GAD1: variants seen among roughly 807,000 people sequenced by gnomAD.
GAD1 encodes the protein glutamate decarboxylase 1.
GAD1 carries 35 observed loss-of-function variants against 75.2 expected under a neutral mutation model. That is an observed-to-expected ratio of 0.47 (90% CI 0.36 to 0.62). The LOEUF is 0.62. Ranked by LOEUF, GAD1 falls within the 20% of genes least tolerant of loss-of-function variation. The pLI is 0.00. For missense variants in GAD1, 490 were observed against 758.5 expected, an observed-to-expected ratio of 0.65 and a Z score of 4.16; for synonymous variants, 257 against 271.9, an observed-to-expected ratio of 0.95 and a Z score of 0.54.
rs1354918350 is a variant in GAD1 at position 170,861,025 on chromosome 2, A to T, written c.*1143A>T. 2.0e-5 allele frequency: 3 copies of T among 152,682 alleles called. No homozygotes were observed. The highest frequency in any genetic ancestry group is 7.2e-5 in the African/African-American group (3 of 41,466). The allele number at this position is 152,682 out of a possible 1,614,324, so 9.5% of individuals were successfully genotyped here. On this transcript the variant is annotated 3_prime_UTR_variant, in exon 17 of 17. Transcript: ENST00000358196. ...GGCAACATTTCCGAAGACCTTCTGA[A>T]GATCTCAGATAAAGTGACCAGGCTC...
intron 2 of GAD1, among the ~76,000 whole-genome samples, chr2:170,819,642 C>A (rs1170544372): frequency 6.6e-6 from 1 of 151,640 alleles, no homozygotes; most frequent in South Asian, 2.1e-4. Context: ...CCTGACCCCA[C>A]CCCCCTAAAA....
chr2:170,828,911 T>C, intron 3 of GAD1: 2 of 201,162 alleles, frequency 9.9e-6, no homozygotes, highest in South Asian at 7.5e-5. Context: ...CTCCTTCCTC[T>C]GCTGTCCTCA....
chr2:170,859,214 T>C (rs1157742522), intron 16 of GAD1, among the ~76,000 whole-genome samples: 1 of 152,240 alleles, frequency 6.6e-6, no homozygotes, highest in Non-Finnish European at 1.5e-5. Flanking sequence ...TTAAACTGTG[T>C]CTGTTACAAT....
At chr2:170,835,468 A>G (rs1218391883) in intron 5 of GAD1, among the ~76,000 whole-genome samples, 3 of 152,234 alleles carry the variant, frequency 2.0e-5, no homozygotes, top group Non-Finnish European at 2.9e-5. Context: ...AATTGAAACT[A>G]TTTTGTTACT....
At chr2:170,843,899 A>G (rs1267414839) in intron 6 of GAD1, 146 bp from the exon 7 acceptor site, 4 of 655,644 alleles carry the variant, frequency 6.1e-6, no homozygotes, top group East Asian at 2.8e-5. Flanking sequence ...GACTTAATGC[A>G]TTTCCAGGAA....
At position 170,825,829 on chromosome 2, in the gene GAD1, C is replaced by T. The variant is rs3791864; in HGVS notation, c.146-3646C>T. On this transcript the variant is annotated intron_variant, in intron 3 of 16. Transcript: ENST00000358196. ...CTCTAAGAATGTAGAGCTCTGTGAC[C>T]AGTTACCCACAGGCTTAAACTAGGT... 0.02 allele frequency among the ~76,000 whole-genome samples: 3,112 copies of T among 152,306 alleles called. 221 individuals carry two copies. In the East Asian group the frequency reaches 0.27, roughly 13 times the overall value.
intron 2 of GAD1, chr2:170,821,802 T>C: frequency 2.1e-6 from 1 of 487,286 alleles, no homozygotes; most frequent in South Asian, 2.1e-5. Flanking sequence ...CCTCCGGAGC[T>C]GCCGGGCGGG....
rs3749033 is a variant in GAD1, at chr2:170,842,889, T to A, written c.639-1156T>A. ...ATGTAAAACAATAGTTATCTCATCC[T>A]TACAAATAGCTTTGCCTTACATTAA... is the stretch of plus-strand genomic sequence containing the variant. On this transcript the variant is annotated intron_variant, in intron 6 of 16. Transcript: ENST00000358196. The A allele has an allele frequency of 0.25, 150,941 of 600,982 alleles. 20,716 individuals carry two copies. The highest frequency in any genetic ancestry group is 0.36 in the South Asian group (17,392 of 47,696). The allele number at this position is 600,982 out of a possible 1,614,324, so 37.2% of individuals were successfully genotyped here.
rs1242901742 is a variant in GAD1 at position 170,845,775 on chromosome 2, T to C, written c.937T>C (p.Cys313Arg). ...AACTGACAATGTGATTTTGATAAAG[T>C]GCAATGAAAGGTAGGCAGGGGAGGG... ...FGTDNVILIK[C>R]NERGKIIPAD... The change falls in exon 9 of 17, where the codon TGC becomes CGC. Residue 313 changes from cysteine (C) to arginine (R), a missense_variant. Cys to Arg is a radical substitution (Grantham distance 180). Coordinates refer to ENST00000358196, the MANE Select transcript of GAD1 (RefSeq NM_000817.3). The C allele has an allele frequency of 6.2e-7, 1 of 1,614,084 alleles. No homozygotes were observed. Among genetic ancestry groups the C allele is most frequent in the South Asian group, 1.1e-5 (1 of 91,072 alleles).
At chr2:170,815,833 T>C (rs1221748162), upstream of GAD1, among the ~76,000 whole-genome samples, 1 of 152,128 alleles carries the variant, frequency 6.6e-6, no homozygotes, top group African/African-American at 2.4e-5. Flanking sequence ...CAGCTCCAGG[T>C]GTGGGCTCCG....
In GAD1 at chr2:170,822,273, A is replaced by C. The variant is rs1701907617; in HGVS notation, c.145+124A>C. The C allele has an allele frequency of 4.1e-5, 33 of 805,790 alleles. 2 individuals are homozygous for C. The South Asian group carries it at 5.0e-4, about 12-fold the overall frequency. 49.9% of individuals were successfully genotyped at this position (805,790 alleles called of 1,614,324 possible). ...ATGGGTCTGATTTTCTAATGTAATTACAGCCAGGACAGCCAGCGACCACGC... is the reference window on the plus strand; with the variant it reads ...ATGGGTCTGATTTTCTAATGTAATTCCAGCCAGGACAGCCAGCGACCACGC... On this transcript the variant is annotated intron_variant, in intron 3 of 16. Coordinates refer to ENST00000358196, the MANE Select transcript of GAD1 (RefSeq NM_000817.3).
upstream of GAD1, among the ~76,000 whole-genome samples, chr2:170,813,775 T>A (rs1701650562): frequency 6.6e-6 from 1 of 152,208 alleles, no homozygotes; most frequent in African/African-American, 2.4e-5. Context: ...AAGGGCATTG[T>A]GGGCGGAGGG....
chr2:170,830,568 T>C (rs1702195807), intron 4 of GAD1, among the ~76,000 whole-genome samples: 2 of 152,084 alleles, frequency 1.3e-5, no homozygotes, highest in Non-Finnish European at 2.9e-5. Flanking sequence ...ACCAAGCACA[T>C]CACAACACCA....
At chr2:170,858,248 C>G (rs1184784910) in intron 15 of GAD1, among the ~76,000 whole-genome samples, 2 of 152,122 alleles carry the variant, frequency 1.3e-5, no homozygotes, top group Non-Finnish European at 2.9e-5. Context: ...GCACAGGAAT[C>G]TTTAGAGGAG....
rs771470806 is a variant in GAD1, at chr2:170,845,504, A to AG, written c.755dup. The stretch of plus-strand genomic sequence containing the variant: ...CCTCCCAATATGTCCGCTTGCTGAC[A>AG]GGGGGCGCCATATCCAACATGTACA... On this transcript the variant is annotated splice_acceptor_variant, in intron 7 of 16. Coordinates refer to ENST00000358196, the MANE Select transcript of GAD1 (RefSeq NM_000817.3). LOFTEE classifies it high-confidence loss of function. 6.2e-7 allele frequency: 1 copy of AG among 1,612,798 alleles called. No individual in the cohort carries two copies. Among genetic ancestry groups the AG allele is most frequent in the South Asian group, 1.1e-5 (1 of 91,030 alleles).
chr2:170,820,605 C>T (rs1419278956), intron 2 of GAD1, among the ~76,000 whole-genome samples: 1 of 152,216 alleles, frequency 6.6e-6, no homozygotes, highest in African/African-American at 2.4e-5. Flanking sequence ...TTCCAGAAAC[C>T]CTTGGGTGGG....
chr2:170,854,156 G>A lies in GAD1; in HGVS notation c.1413+134G>A, dbSNP rs372577783. Reference sequence around the variant, plus strand: ...ATATCTAGATAATTGAATTAACTGTGTTTTCTTTGTGAATGAAATTACTTT... The same window carrying A: ...ATATCTAGATAATTGAATTAACTGTATTTTCTTTGTGAATGAAATTACTTT... On this transcript the variant is annotated intron_variant, in intron 14 of 16. Coordinates refer to ENST00000358196, the MANE Select transcript of GAD1 (RefSeq NM_000817.3). The A allele has an allele frequency of 1.4e-5, 13 of 917,050 alleles. No homozygotes were observed. The East Asian group carries it at 2.0e-4, about 14-fold the overall frequency. 56.8% of individuals were successfully genotyped at this position (917,050 alleles called of 1,614,324 possible).
chr2:170,825,071 T>C (rs565690388), intron 3 of GAD1, among the ~76,000 whole-genome samples: 6 of 152,134 alleles, frequency 3.9e-5, no homozygotes, highest in South Asian at 4.2e-4. Flanking sequence ...GAGGGAAACA[T>C]GGCAGGTGCT....
rs1366823311 is a variant in GAD1, at chr2:170,829,552, A to C, written c.223A>C (p.Asn75His). The C allele has an allele frequency of 6.2e-7, 1 of 1,614,060 alleles. No individual in the cohort carries two copies. Among genetic ancestry groups the C allele is most frequent in the Admixed American group, 1.7e-5 (1 of 60,034 alleles). Residue 75 changes from asparagine to histidine, a missense_variant, in exon 4 of 17, where the codon AAC becomes CAC. Asn to His is a moderately conservative substitution (Grantham distance 68). Coordinates refer to ENST00000358196, the MANE Select transcript of GAD1 (RefSeq NM_000817.3). ...CTTCAAGGAGAGGCAATCCTCCAAG[A>C]ACCTGCTTTCCTGTGAAAACAGCGA... Reference protein sequence around the residue: ...SAFKERQSSKNLLSCENSDRD... With the variant: ...SAFKERQSSKHLLSCENSDRD...
Sources: gnomAD v4.1 joint callset for allele counts (sites outside exome capture counted in the v4.1 genomes callset) on GRCh38, gnomAD v4.1.1 for gene constraint, MANE v1.5 for transcripts, NCBI Gene and HGNC (gene_info 2026-07-23, HGNC 2026-07-21) for gene names.